KIAA1217: variants seen among roughly 807,000 people sequenced by gnomAD.
The protein encoded by KIAA1217 is KIAA1217.
KIAA1217 carries 88 observed loss-of-function variants against 163.9 expected under a neutral mutation model. The ratio of observed to expected loss-of-function variants is 0.54; its 90% confidence interval spans 0.45 to 0.64. KIAA1217 has a LOEUF of 0.64. Among genes scored for constraint, KIAA1217 ranks in the 30% least tolerant of loss-of-function variants. The probability of loss-of-function intolerance (pLI) is 0.00; values close to 1 mark genes in which losing one functional copy is unlikely to be tolerated. For missense variants in KIAA1217, 2,372 were observed against 2,475.0 expected (o/e 0.96, Z 0.88); for synonymous variants, 903 against 923.1 (o/e 0.98, Z 0.39).
intron 1 of KIAA1217, among the ~76,000 whole-genome samples, chr10:23,811,249 A>G (rs1399231891): frequency 6.9e-6 from 1 of 144,418 alleles, no homozygotes; most frequent in East Asian, 2.0e-4. Flanking sequence ...TATTATATAT[A>G]GTATATATAA....
At chr10:24,522,424 G>A (rs1424650981) in intron 12 of KIAA1217, among the ~76,000 whole-genome samples, 1 of 152,194 alleles carries the variant, frequency 6.6e-6, no homozygotes, top group Non-Finnish European at 1.5e-5. Flanking sequence ...CAGGGGCATA[G>A]ATGAATTCAG....
At chr10:23,862,124 T>A (rs945154399) in intron 1 of KIAA1217, among the ~76,000 whole-genome samples, 1 of 152,184 alleles carries the variant, frequency 6.6e-6, no homozygotes, top group African/African-American at 2.4e-5. Context: ...TGAGATGCAT[T>A]TAGGTGAGTT....
intron 6 of KIAA1217, among the ~76,000 whole-genome samples, chr10:24,485,544 C>A (rs1236791248): frequency 6.6e-6 from 1 of 152,198 alleles, no homozygotes; most frequent in Admixed American, 6.5e-5. Flanking sequence ...TTGCAACACT[C>A]CCCCGCAGTC....
At position 24,387,017 on chromosome 10, in the gene KIAA1217, A is replaced by G. The variant is rs188010430; in HGVS notation, c.553+5950A>G. Among the ~76,000 whole-genome samples the G allele has an allele frequency of 1.2e-3, 190 of 152,366 alleles. 1 individual carries two copies. The highest frequency in any genetic ancestry group is 4.3e-3 in the African/African-American group (180 of 41,580). ...GTAAAAACAAAAATTCGCAGAAGGG[A>G]GTTTCATAGCAGGTCAATAAGTTCA... On this transcript the variant is annotated intron_variant, in intron 3 of 20. Transcript: ENST00000376454.
At chr10:24,035,813 A>G (rs1211549247) in intron 2 of KIAA1217, among the ~76,000 whole-genome samples, 2 of 152,232 alleles carry the variant, frequency 1.3e-5, no homozygotes, top group African/African-American at 4.8e-5. Flanking sequence ...AAAAAAGCGA[A>G]GTTGGCTATG....
At chr10:24,109,602 T>C (rs2062766067) in intron 2 of KIAA1217, among the ~76,000 whole-genome samples, 1 of 151,910 alleles carries the variant, frequency 6.6e-6, no homozygotes, top group Non-Finnish European at 1.5e-5. Context: ...GAAATCCAGA[T>C]GGACATTCAA....
At chr10:24,230,440 C>T (rs73604459) in intron 2 of KIAA1217, among the ~76,000 whole-genome samples, 6,097 of 150,462 alleles carry the variant, frequency 0.041, 420 homozygotes, top group African/African-American at 0.14. Context: ...TTAGGGATGC[C>T]GAGCCTGTAG....
chr10:24,050,059 T>C (rs942651611), intron 2 of KIAA1217, among the ~76,000 whole-genome samples: 1 of 152,238 alleles, frequency 6.6e-6, no homozygotes, highest in Non-Finnish European at 1.5e-5. Context: ...TAATGACCAG[T>C]GATGATGAGC....
intron 1 of KIAA1217, among the ~76,000 whole-genome samples, chr10:23,953,797 T>A (rs1159301566): frequency 6.6e-6 from 1 of 152,230 alleles, no homozygotes; most frequent in African/African-American, 2.4e-5. Context: ...ATTAATGGAT[T>A]AATTGACCCA....
At chr10:24,430,060 A>G (rs894490825) in intron 3 of KIAA1217, among the ~76,000 whole-genome samples, 2 of 152,098 alleles carry the variant, frequency 1.3e-5, no homozygotes, top group African/African-American at 4.8e-5. Context: ...GTGGGAGGAT[A>G]GCTTGAATTC....
chr10:24,135,356 C>T (rs558555492), intron 2 of KIAA1217, among the ~76,000 whole-genome samples: 12 of 152,082 alleles, frequency 7.9e-5, no homozygotes, highest in African/African-American at 2.9e-4. Flanking sequence ...GTTTTAGCTC[C>T]CGTAAATACC....
Position 24,425,251 on chromosome 10 carries a change from C to A in KIAA1217, c.554-7744C>A, listed in dbSNP as rs114137958. Among the ~76,000 whole-genome samples, 640 of 152,284 alleles carry A rather than the reference C, an allele frequency of 4.2e-3. 5 individuals are homozygous for A. Among genetic ancestry groups the A allele is most frequent in the African/African-American group, 0.015 (607 of 41,544 alleles). The stretch of plus-strand genomic sequence containing the variant: ...ATGATACAGAAAATCATAAGGAAAT[C>A]TGAGTGAACTTACCACCCTTCACAT... On this transcript the variant is annotated intron_variant, in intron 3 of 20. Coordinates refer to ENST00000376454, the MANE Select transcript of KIAA1217 (RefSeq NM_019590.5).
intron 2 of KIAA1217, among the ~76,000 whole-genome samples, chr10:24,195,970 A>ATT (rs35800775): frequency 1.3e-5 from 2 of 151,306 alleles, no homozygotes; most frequent in African/African-American, 4.9e-5. Context: ...GTCTACAGAA[A>ATT]TTTTTTTTTA....
At chr10:24,195,042 C>T (rs1207235689) in intron 2 of KIAA1217, among the ~76,000 whole-genome samples, 3 of 152,092 alleles carry the variant, frequency 2.0e-5, no homozygotes, top group Non-Finnish European at 4.4e-5. Flanking sequence ...CTCTCCTGGT[C>T]CCCTCCCTGC....
At chr10:23,996,497 C>A (rs1487014834) in intron 1 of KIAA1217, among the ~76,000 whole-genome samples, 4 of 152,138 alleles carry the variant, frequency 2.6e-5, no homozygotes, top group African/African-American at 9.7e-5. Context: ...GTGTATCCAA[C>A]ACCTGTCACA....
chr10:24,214,533 C>A (rs1042319298), intron 1 of KIAA1217, among the ~76,000 whole-genome samples: 1 of 152,132 alleles, frequency 6.6e-6, no homozygotes, highest in Non-Finnish European at 1.5e-5. Context: ...TGGCTTCTGC[C>A]CACAATACAT....
chr10:23,810,992 CTATATTA>C (rs1837013799), intron 1 of KIAA1217, among the ~76,000 whole-genome samples: 1 of 110,416 alleles, frequency 9.1e-6, no homozygotes, highest in Non-Finnish European at 1.7e-5. Flanking sequence ...AGTATATATA[CTATATTA>C]TTATACTATA....
chr10:23,957,938 C>T (rs891237097), intron 1 of KIAA1217, among the ~76,000 whole-genome samples: 1 of 152,084 alleles, frequency 6.6e-6, no homozygotes, highest in African/African-American at 2.4e-5. Flanking sequence ...TCCTCAGCAC[C>T]CCACATACAA....
chr10:24,380,400 C>T (rs568863487), intron 2 of KIAA1217, among the ~76,000 whole-genome samples: 4 of 152,006 alleles, frequency 2.6e-5, no homozygotes, highest in South Asian at 4.2e-4. Context: ...CCGAGGCAGG[C>T]GGATCACCTG....
Sources: gnomAD v4.1 joint callset for allele counts (sites outside exome capture counted in the v4.1 genomes callset) on GRCh38, gnomAD v4.1.1 for gene constraint, MANE v1.5 for transcripts, NCBI Gene and HGNC (gene_info 2026-07-23, HGNC 2026-07-21) for gene names.